ZNF430: variants seen among roughly 807,000 people sequenced by gnomAD.
ZNF430 encodes the protein zinc finger protein 430.
In ZNF430, 35 loss-of-function variants were observed where a neutral mutation model predicts 56.7. The ratio of observed to expected loss-of-function variants is 0.62; its 90% CI spans 0.47 to 0.82. The LOEUF is 0.82. Ranked by LOEUF, ZNF430 falls within the 40% of genes least tolerant of loss-of-function variation. The pLI is 0.00. For synonymous variants in ZNF430, 212 were observed against 224.3 expected (o/e 0.94, Z 0.49); for missense variants, 574 against 661.0 (o/e 0.87, Z 1.44).
intron 4 of ZNF430, among the ~76,000 whole-genome samples, chr19:21,050,911 C>G (rs975141076): frequency 6.6e-6 from 1 of 152,034 alleles, no homozygotes; most frequent in Admixed American, 6.6e-5. Context: ...GCCTGTAGTC[C>G]TAGCTACTCG....
At chr19:21,046,806 G>A (rs1276917183) in intron 4 of ZNF430, among the ~76,000 whole-genome samples, 2 of 152,060 alleles carry the variant, frequency 1.3e-5, no homozygotes, top group East Asian at 1.9e-4. Flanking sequence ...TGATTATTAT[G>A]TGTCTTGGGG....
Position 21,059,989 on chromosome 19 carries a change from AAATT to A in ZNF430, c.*1970_*1973del, listed in dbSNP as rs1264833278. On this transcript the variant is annotated 3_prime_UTR_variant, in exon 5 of 5. Transcript: ENST00000261560. ...ATTTTATTTAAAATTAAATGAAAAT[AAATT>A]AGTATATTATTGTACTAATTGTACT... The A allele has an allele frequency of 2.0e-5, 3 of 152,156 alleles. No homozygotes were observed. Among genetic ancestry groups the A allele is most frequent in the African/African-American group, 7.2e-5 (3 of 41,464 alleles). 9.4% of individuals were successfully genotyped at this position (152,156 alleles called of 1,614,324 possible).
intron 4 of ZNF430, among the ~76,000 whole-genome samples, chr19:21,051,939 A>G (rs970742487): frequency 1.3e-5 from 2 of 152,086 alleles, no homozygotes; most frequent in Non-Finnish European, 1.5e-5. Flanking sequence ...GAGAGTCCAT[A>G]TGCTACTTTT....
intron 4 of ZNF430, among the ~76,000 whole-genome samples, chr19:21,053,194 G>T (rs1254309836): frequency 1.3e-5 from 2 of 151,984 alleles, no homozygotes; most frequent in Non-Finnish European, 2.9e-5. Flanking sequence ...TGGGGTGGAG[G>T]GGGTGTGGTT....
rs1386588092 is a variant in ZNF430, at chr19:21,057,494, A to G, written c.1186A>G (p.Thr396Ala). The G allele has an allele frequency of 1.2e-6, 2 of 1,613,584 alleles. No homozygotes were observed. The highest frequency in any genetic ancestry group is 3.3e-5 in the Admixed American group (2 of 59,986). Residue 396 changes from threonine to alanine, a missense_variant, in exon 5 of 5, where the codon ACT becomes GCT. By Grantham distance (58) the Thr-to-Ala change is moderately conservative. This residue lies in a region of ZNF430 where 213 missense variants were observed against 221.0 expected (regional missense o/e 0.96). Transcript: ENST00000261560. The stretch of plus-strand genomic sequence containing the variant: ...CCTTACTAAACATAAGATAATTCAT[A>G]CTGGAGAGAAATTCTACAAATGTGA... ...SYLTKHKIIH[T>A]GEKFYKCEEC...
chr19:21,023,227 A>T (rs190852138), intron 2 of ZNF430, among the ~76,000 whole-genome samples: 1 of 152,298 alleles, frequency 6.6e-6, no homozygotes, highest in East Asian at 1.9e-4. Flanking sequence ...TCTTGAGCAC[A>T]TAAGTGAGCA....
At chr19:21,044,735 A>G (rs969743517) in intron 4 of ZNF430, among the ~76,000 whole-genome samples, 8 of 152,134 alleles carry the variant, frequency 5.3e-5, no homozygotes, top group Non-Finnish European at 1.0e-4. Flanking sequence ...TTTGTAGGCT[A>G]TTTATTACTT....
intron 4 of ZNF430, among the ~76,000 whole-genome samples, chr19:21,037,188 C>T (rs1415160514): frequency 2.6e-5 from 4 of 150,946 alleles, no homozygotes; most frequent in Non-Finnish European, 5.9e-5. Context: ...AATCTCGGCT[C>T]ACTGCAACCT....
At chr19:21,030,805 C>T (rs11085424) in intron 2 of ZNF430, among the ~76,000 whole-genome samples, 123,208 of 151,914 alleles carry the variant, frequency 0.81, 52,202 homozygotes, top group Middle Eastern at 0.93. Flanking sequence ...AATTACCAAA[C>T]GAGTTTTAAG....
At chr19:21,047,416 C>G (rs1253932878) in intron 4 of ZNF430, among the ~76,000 whole-genome samples, 1 of 152,182 alleles carries the variant, frequency 6.6e-6, no homozygotes, top group Non-Finnish European at 1.5e-5. Flanking sequence ...AGGAGGCACT[C>G]TGGCTTTTTA....
At chr19:21,023,657 A>G (rs11085423) in intron 2 of ZNF430, among the ~76,000 whole-genome samples, 76,301 of 152,026 alleles carry the variant, frequency 0.5, 22,235 homozygotes, top group East Asian at 0.74. Context: ...GTAGAAAATA[A>G]ATACATTTCT....
intron 2 of ZNF430, chr19:21,026,147 G>A: frequency 1.1e-5 from 2 of 183,530 alleles, no homozygotes; most frequent in Non-Finnish European, 2.2e-5. Context: ...CAAAGTGCTG[G>A]GATTACAGGC....
chr19:21,034,038 G>T, intron 3 of ZNF430, 48 bp from the exon 4 acceptor site: 1 of 1,460,456 alleles, frequency 6.8e-7, no homozygotes, highest in Non-Finnish European at 9.6e-7. Context: ...TACTAGGTTG[G>T]TAACTGAAGA....
At chr19:21,046,553 G>A (rs1968188882) in intron 4 of ZNF430, among the ~76,000 whole-genome samples, 1 of 152,106 alleles carries the variant, frequency 6.6e-6, no homozygotes, top group South Asian at 2.1e-4. Flanking sequence ...AATTCCTTCA[G>A]CGTTTACTTG....
chr19:21,040,383 C>A (rs540797131), intron 4 of ZNF430, among the ~76,000 whole-genome samples: 199 of 152,266 alleles, frequency 1.3e-3, no homozygotes, highest in Non-Finnish European at 2.0e-3. Context: ...AATGCCATGG[C>A]ACCATTCTTT....
intron 4 of ZNF430, among the ~76,000 whole-genome samples, chr19:21,053,119 G>A (rs997559618): frequency 2.0e-5 from 3 of 152,062 alleles, no homozygotes; most frequent in Non-Finnish European, 4.4e-5. Flanking sequence ...TGGCCCTAGT[G>A]GCTGCACTTA....
intron 4 of ZNF430, among the ~76,000 whole-genome samples, chr19:21,043,187 CTTTGTCCATGCCTATGTCCTGAATGGTAT>C (rs1468304592): frequency 6.6e-6 from 1 of 152,136 alleles, no homozygotes; most frequent in African/African-American, 2.4e-5. Flanking sequence ...ATGATGAAAT[CTTTGTCCATGCCTATGTCCTGAATGGTAT>C]TGCCTAGATT....
intron 4 of ZNF430, among the ~76,000 whole-genome samples, chr19:21,038,644 G>T (rs1032915334): frequency 2.0e-5 from 3 of 151,990 alleles, no homozygotes; most frequent in Non-Finnish European, 4.4e-5. Flanking sequence ...GACCAGGCTG[G>T]TCTCAAACTC....
chr19:21,047,117 G>A (rs1386951555), intron 4 of ZNF430, among the ~76,000 whole-genome samples: 2 of 151,876 alleles, frequency 1.3e-5, no homozygotes, highest in African/African-American at 2.4e-5. Flanking sequence ...TCCTTGCTTC[G>A]TCTACTCAGT....
Sources: gnomAD v4.1 joint callset for allele counts (sites outside exome capture counted in the v4.1 genomes callset) on GRCh38, gnomAD v4.1.1 for gene constraint, gnomAD v4.1.1 regional missense constraint, MANE v1.5 for transcripts, NCBI Gene and HGNC (gene_info 2026-07-23, HGNC 2026-07-21) for gene names.